Variants in IGSF5 observed in about 807,000 individuals in gnomAD.
The protein encoded by IGSF5 is immunoglobulin superfamily 5 like.
In IGSF5, 41 loss-of-function variants were observed where a neutral mutation model predicts 39.4. The ratio of observed to expected loss-of-function variants is 1.04; its 90% CI spans 0.81 to 1.35. IGSF5 has a LOEUF of 1.35. Among genes scored for constraint, IGSF5 ranks in the 40% most tolerant of loss-of-function variants. IGSF5 has a pLI of 0.00. For synonymous variants in IGSF5, 183 were observed against 175.3 expected (o/e 1.04, Z -0.34); for missense variants, 487 against 494.6 (o/e 0.98, Z 0.15).
At chr21:39,746,424 G>T in intron 2 of IGSF5, 126 bp downstream of exon 2, 1 of 571,828 alleles carries the variant, frequency 1.7e-6, no homozygotes, top group Admixed American at 3.1e-5. Flanking sequence ...AAAGGGGGTT[G>T]CTCCCATCCC....
intron 8 of IGSF5, among the ~76,000 whole-genome samples, chr21:39,797,776 C>T (rs2087005721): frequency 6.6e-6 from 1 of 152,162 alleles, no homozygotes; most frequent in Non-Finnish European, 1.5e-5. Context: ...CCACATGGGC[C>T]TCCCAAAGCA....
the IGSF5 span, among the ~76,000 whole-genome samples, chr21:39,723,454 G>T: frequency 6.6e-6 from 1 of 152,240 alleles, no homozygotes; most frequent in Non-Finnish European, 1.5e-5. Flanking sequence ...GCTGCAATCT[G>T]TGAGTTAGAG....
the IGSF5 span, chr21:39,729,780 A>T: frequency 6.6e-6 from 1 of 152,218 alleles, no homozygotes; most frequent in Non-Finnish European, 1.5e-5. Flanking sequence ...TCTCCTAAAA[A>T]GCAGTCCTTT....
chr21:39,716,365 G>T, the IGSF5 span, among the ~76,000 whole-genome samples: 3 of 151,970 alleles, frequency 2.0e-5, no homozygotes, highest in South Asian at 6.2e-4. Flanking sequence ...TTTATTTTAG[G>T]TTTGGGGGTA....
At chr21:39,730,070 A>C in the IGSF5 span, 1 of 152,218 alleles carries the variant, frequency 6.6e-6, no homozygotes, top group Non-Finnish European at 1.5e-5. Flanking sequence ...CAGAAGCTGT[A>C]GGTTAGAAAC....
Position 39,779,166 on chromosome 21 carries a change from C to A in IGSF5, c.795C>A (p.Gly265=). ...PSLGFSLPTW[G]KVGLGLAGTM... Reference sequence around the variant, plus strand: ...TAGGTTTTTCATTGCCTACTTGGGGCAAAGTTGGACTTGGACTAGCAGGCA... The same window carrying A: ...TAGGTTTTTCATTGCCTACTTGGGGAAAAGTTGGACTTGGACTAGCAGGCA... The change falls in exon 5 of 9, where the codon GGC becomes GGA. Residue 265 remains glycine (G), a synonymous_variant. Transcript: ENST00000380588. 1 of 1,614,014 alleles carries A rather than the reference C, an allele frequency of 6.2e-7. No individual in the cohort carries two copies. The highest frequency in any genetic ancestry group is 8.5e-7 in the Non-Finnish European group (1 of 1,179,990).
chr21:39,763,637 C>G (rs1431882384), intron 2 of IGSF5, among the ~76,000 whole-genome samples: 1 of 152,114 alleles, frequency 6.6e-6, no homozygotes, highest in Non-Finnish European at 1.5e-5. Context: ...ATTGTGTGGC[C>G]CGGACTTCTC....
the IGSF5 span, among the ~76,000 whole-genome samples, chr21:39,711,985 G>A: frequency 0.073 from 11,092 of 152,128 alleles, 783 homozygotes; most frequent in East Asian, 0.22. Flanking sequence ...CCCTTAGTGG[G>A]AAAAGTCCCC....
At chr21:39,723,042 C>T in the IGSF5 span, among the ~76,000 whole-genome samples, 2 of 152,210 alleles carry the variant, frequency 1.3e-5, no homozygotes, top group African/African-American at 4.8e-5. Context: ...TGCTATGTAA[C>T]AAATTGCCGC....
At chr21:39,766,605 A>C (rs1235264123) in intron 3 of IGSF5, among the ~76,000 whole-genome samples, 1 of 152,200 alleles carries the variant, frequency 6.6e-6, no homozygotes, top group Non-Finnish European at 1.5e-5. Flanking sequence ...AAGAATAAAC[A>C]AAATTTATAA....
chr21:39,753,500 A>AT (rs1452068710), intron 2 of IGSF5, among the ~76,000 whole-genome samples: 1 of 152,148 alleles, frequency 6.6e-6, no homozygotes, highest in African/African-American at 2.4e-5. Flanking sequence ...CATTTGTTCT[A>AT]GGGTATAGTT....
chr21:39,719,889 T>C, the IGSF5 span, among the ~76,000 whole-genome samples: 1 of 152,246 alleles, frequency 6.6e-6, no homozygotes, highest in Non-Finnish European at 1.5e-5. Flanking sequence ...GGCCAAGCGT[T>C]ATTCTCATAG....
intron 4 of IGSF5, among the ~76,000 whole-genome samples, chr21:39,773,795 T>G (rs763292263): frequency 1.4e-4 from 22 of 152,202 alleles, no homozygotes; most frequent in Non-Finnish European, 2.2e-4. Context: ...AGAGAAGATT[T>G]TAAAAAAATC....
intron 2 of IGSF5, among the ~76,000 whole-genome samples, chr21:39,752,164 A>G (rs1052709795): frequency 2.6e-5 from 4 of 151,718 alleles, no homozygotes; most frequent in African/African-American, 7.3e-5. Flanking sequence ...TTTATCCCTC[A>G]CCCCGTTCCT....
the IGSF5 span, among the ~76,000 whole-genome samples, chr21:39,740,127 G>A: frequency 2.0e-5 from 3 of 152,172 alleles, no homozygotes; most frequent in Admixed American, 6.5e-5. Flanking sequence ...CTATGTCCTC[G>A]TGAGATTCCC....
intron 2 of IGSF5, among the ~76,000 whole-genome samples, chr21:39,756,649 G>A (rs2080031902): frequency 6.6e-6 from 1 of 152,162 alleles, no homozygotes; most frequent in African/African-American, 2.4e-5. Context: ...GTGGAGGAAT[G>A]TTTGCAATAA....
chr21:39,737,112 T>C, the IGSF5 span, among the ~76,000 whole-genome samples: 3 of 152,044 alleles, frequency 2.0e-5, no homozygotes, highest in Non-Finnish European at 4.4e-5. Flanking sequence ...CCCTGATCTG[T>C]CTGCTTTGTT....
intron 4 of IGSF5, among the ~76,000 whole-genome samples, chr21:39,776,277 C>T (rs2080140313): frequency 6.6e-6 from 1 of 151,788 alleles, no homozygotes; most frequent in South Asian, 2.1e-4. Context: ...ATCTTTGTAG[C>T]CCCAGCACTA....
At chr21:39,763,776 G>A (rs1461678108) in intron 2 of IGSF5, among the ~76,000 whole-genome samples, 2 of 152,104 alleles carry the variant, frequency 1.3e-5, no homozygotes, top group South Asian at 2.1e-4. Flanking sequence ...ACGGACCCTC[G>A]GGGCGCAGAC....
Sources: gnomAD v4.1 joint callset for allele counts (sites outside exome capture counted in the v4.1 genomes callset) on GRCh38, gnomAD v4.1.1 for gene constraint, MANE v1.5 for transcripts, NCBI Gene and HGNC (gene_info 2026-07-23, HGNC 2026-07-21) for gene names.